Variants in NREP observed in about 807,000 individuals in gnomAD.
The protein encoded by NREP is neuronal regeneration-related protein.
In NREP, 5 loss-of-function variants were observed where a neutral mutation model predicts 8.6. The ratio of observed to expected loss-of-function variants is 0.58; its 90% confidence interval spans 0.30 to 1.22. The LOEUF is 1.22. Ranked by LOEUF, NREP falls within the 50% of genes most tolerant of loss-of-function variation. NREP has a pLI of 0.07. For missense variants in NREP, 86 were observed against 82.5 expected (o/e 1.04, Z -0.17); for synonymous variants, 27 against 28.0 (o/e 0.96, Z 0.11).
chr5:111,731,398 T>C (rs567628598), intron 3 of NREP, among the ~76,000 whole-genome samples: 5 of 139,524 alleles, frequency 3.6e-5, no homozygotes, highest in East Asian at 2.0e-4. Flanking sequence ...GGGTGATTGA[T>C]AGATACTCAC....
intron 2 of NREP, among the ~76,000 whole-genome samples, chr5:111,901,103 C>A (rs1754636496): frequency 6.6e-6 from 1 of 152,152 alleles, no homozygotes; most frequent in Non-Finnish European, 1.5e-5. Context: ...AATGGTTCAA[C>A]ATGTGCAAAC....
At chr5:111,854,640 T>G (rs1753385295) in intron 2 of NREP, among the ~76,000 whole-genome samples, 1 of 152,180 alleles carries the variant, frequency 6.6e-6, no homozygotes, top group Admixed American at 6.5e-5. Context: ...TTGTGAAAAA[T>G]AGTTCTAATC....
intron 2 of NREP, among the ~76,000 whole-genome samples, chr5:111,960,582 C>A (rs1401075781): frequency 1.3e-5 from 2 of 152,094 alleles, no homozygotes; most frequent in South Asian, 2.1e-4. Flanking sequence ...TTCATGAGTA[C>A]TGTATTAGGC....
intron 2 of NREP, among the ~76,000 whole-genome samples, chr5:111,842,316 C>G (rs1416501022): frequency 1.3e-5 from 2 of 152,088 alleles, no homozygotes; most frequent in East Asian, 3.8e-4. Flanking sequence ...TACATTCCTT[C>G]CAGAGGATTT....
At chr5:111,965,867 T>C (rs968319919) in intron 2 of NREP, among the ~76,000 whole-genome samples, 6 of 152,282 alleles carry the variant, frequency 3.9e-5, no homozygotes, top group Admixed American at 1.3e-4. Context: ...TTGATATGTC[T>C]CCTAAGTAGG....
intron 2 of NREP, among the ~76,000 whole-genome samples, chr5:111,922,959 C>T (rs896419231): frequency 1.3e-5 from 2 of 152,170 alleles, no homozygotes; most frequent in Non-Finnish European, 2.9e-5. Context: ...TTTCCCTCAG[C>T]TATTTCATCC....
chr5:111,758,203 T>C (rs1298188739), upstream of NREP: 12 of 985,332 alleles, frequency 1.2e-5, no homozygotes, highest in South Asian at 2.3e-4. Flanking sequence ...GGCCCAGAGG[T>C]CCTGTGGCTG....
At chr5:111,821,273 A>G (rs1308501865) in intron 2 of NREP, among the ~76,000 whole-genome samples, 1 of 152,180 alleles carries the variant, frequency 6.6e-6, no homozygotes, top group Non-Finnish European at 1.5e-5. Flanking sequence ...ACTATGAGGA[A>G]TTATAAGATC....
In NREP at chr5:111,767,798, T is replaced by C. The variant is rs1419384070; in HGVS notation, c.136-32291A>G. ...CTCCCACCTCAGCCTCCTGAGTAGA[T>C]GGAACTACAGGCTTGTGCCGCCCTG... On this transcript the variant is annotated intron_variant, in intron 2 of 3. Transcript: ENST00000395634. Among the ~76,000 whole-genome samples, 2 of 152,092 alleles carry C rather than the reference T, an allele frequency of 1.3e-5. 1 individual carries two copies. The highest frequency in any genetic ancestry group is 4.1e-4 in the South Asian group (2 of 4,820).
chr5:111,965,859 G>C (rs1237177484), intron 2 of NREP, among the ~76,000 whole-genome samples: 1 of 152,128 alleles, frequency 6.6e-6, no homozygotes, highest in African/African-American at 2.4e-5. Context: ...ACAAGTGCTT[G>C]ATATGTCTCC....
chr5:111,880,349 C>G (rs79572781), intron 2 of NREP, among the ~76,000 whole-genome samples: 1 of 152,170 alleles, frequency 6.6e-6, no homozygotes, highest in African/African-American at 2.4e-5. Context: ...ATACCACAGA[C>G]GAGGTGGCTT....
rs191501771 is a variant in NREP, at chr5:111,854,828, T to C, written c.136-119321A>G. Among the ~76,000 whole-genome samples the C allele has an allele frequency of 2.9e-4, 44 of 152,328 alleles. No homozygotes were observed. In the East Asian group the frequency reaches 7.7e-3, roughly 27 times the overall value. Reference sequence around the variant, plus strand: ...CCAGAAATAACCACTGCTATTACTCTGCATGTATTCTTCCAGATCTTTACA... The same window carrying C: ...CCAGAAATAACCACTGCTATTACTCCGCATGTATTCTTCCAGATCTTTACA... On this transcript the variant is annotated intron_variant, in intron 2 of 3. Coordinates refer to the NREP transcript ENST00000395634.
chr5:111,771,660 G>A (rs1346633106), intron 2 of NREP, among the ~76,000 whole-genome samples: 1 of 151,984 alleles, frequency 6.6e-6, no homozygotes, highest in East Asian at 1.9e-4. Flanking sequence ...CTACTTGGGA[G>A]GCTGAGGCAG....
At chr5:111,857,174 T>G (rs987261078) in intron 2 of NREP, among the ~76,000 whole-genome samples, 1 of 151,976 alleles carries the variant, frequency 6.6e-6, no homozygotes, top group Non-Finnish European at 1.5e-5. Context: ...GGGCTGGGAG[T>G]GCCGAGAGGA....
rs896805888 is a variant in NREP, at chr5:111,892,402, C to G, written c.135+82872G>C. On this transcript the variant is annotated intron_variant, in intron 2 of 3. Transcript: ENST00000395634. ...TTAAACAGGAAATGAAAAGCCCTAT[C>G]TCAGAATGTACTAAAAGAGAGTCAC... Among the ~76,000 whole-genome samples, 14 of 152,256 alleles carry G rather than the reference C, an allele frequency of 9.2e-5. No individual in the cohort carries two copies. In the East Asian group the frequency reaches 2.5e-3, roughly 27 times the overall value.
rs562191464 is a variant in NREP at position 111,765,318 on chromosome 5, C to T, written c.136-29811G>A. On this transcript the variant is annotated intron_variant, in intron 2 of 3. Transcript: ENST00000395634. ...TGCTTGCTCACCCACCACTTACCTC[C>T]CGCTGTATGGCCTGGTTCCTAATAA... is the stretch of plus-strand genomic sequence containing the variant. Among the ~76,000 whole-genome samples, 3 of 152,298 alleles carry T rather than the reference C, an allele frequency of 2.0e-5. No individual in the cohort carries two copies. The East Asian group carries it at 5.8e-4, about 29-fold the overall frequency.
chr5:111,907,930 G>A (rs753638041), intron 2 of NREP, among the ~76,000 whole-genome samples: 39 of 151,938 alleles, frequency 2.6e-4, no homozygotes, highest in Middle Eastern at 3.4e-3. Flanking sequence ...CTGGCACTTG[G>A]GCATTTAAAC....
At chr5:111,825,283 A>G (rs1396203647) in intron 2 of NREP, among the ~76,000 whole-genome samples, 2 of 152,190 alleles carry the variant, frequency 1.3e-5, no homozygotes, top group Non-Finnish European at 2.9e-5. Context: ...GTTCATATCA[A>G]AGCAAAGTGC....
intron 3 of NREP, 85 bp from the exon 4 acceptor site, chr5:111,731,131 T>G (rs1748516917): frequency 3.3e-6 from 5 of 1,492,742 alleles, no homozygotes. Flanking sequence ...TTTAAAATTT[T>G]GCTTTTCCTG....
Sources: gnomAD v4.1 joint callset for allele counts (sites outside exome capture counted in the v4.1 genomes callset) on GRCh38, gnomAD v4.1.1 for gene constraint, MANE v1.5 for transcripts, NCBI Gene and HGNC (gene_info 2026-07-23, HGNC 2026-07-21) for gene names.